DACH2: variants seen among roughly 807,000 people sequenced by gnomAD.
DACH2 encodes dachshund family transcription factor 2, also known as dachshund homolog 2.
DACH2 carries 17 observed loss-of-function variants against 35.8 expected under a neutral mutation model. The ratio of observed to expected loss-of-function variants is 0.48; its 90% CI spans 0.33 to 0.71. The LOEUF (loss-of-function observed/expected upper bound fraction) is 0.71, where lower values mean the gene tolerates loss of function less well. Among genes scored for constraint, DACH2 ranks in the 30% least tolerant of loss-of-function variants. The probability of loss-of-function intolerance (pLI) is 0.02; values close to 1 mark genes in which losing one functional copy is unlikely to be tolerated. For missense variants in DACH2, 469 were observed against 472.7 expected (o/e 0.99, Z 0.07); for synonymous variants, 195 against 177.3 (o/e 1.10, Z -0.79).
At chrX:86,537,812 T>C (rs1028016560) in intron 3 of DACH2, among the ~76,000 whole-genome samples, 1 of 111,646 alleles carries the variant, frequency 9.0e-6, no homozygotes, top group Non-Finnish European at 1.9e-5. Context: ...CCTGCAGGTA[T>C]ACATCCAGAT....
At chrX:86,244,529 G>A (rs957784772) in intron 1 of DACH2, among the ~76,000 whole-genome samples, 11 of 111,614 alleles carry the variant, frequency 9.9e-5, no homozygotes, top group African/African-American at 2.6e-4. Flanking sequence ...TGGGAGGATC[G>A]CTTAAGCCCT....
At chrX:86,570,117 G>A (rs1442939438) in intron 3 of DACH2, among the ~76,000 whole-genome samples, 1 of 111,474 alleles carries the variant, frequency 9.0e-6, no homozygotes, top group East Asian at 2.8e-4. Context: ...GGAGAAATAG[G>A]GACACTTTTA....
intron 3 of DACH2, among the ~76,000 whole-genome samples, chrX:86,538,599 GC>G (rs1461705777): frequency 6.3e-5 from 7 of 111,859 alleles, no homozygotes; most frequent in African/African-American, 2.3e-4. Context: ...AACTGTGAAG[GC>G]CTTCTTGCAG....
intron 6 of DACH2, among the ~76,000 whole-genome samples, chrX:86,730,958 G>A (rs902599388): frequency 1.5e-4 from 17 of 111,451 alleles, no homozygotes; most frequent in African/African-American, 5.2e-4. Context: ...GCATACACAC[G>A]AAATACATTT....
chrX:86,805,378 C>A (rs2042333920), intron 7 of DACH2, among the ~76,000 whole-genome samples: 1 of 112,608 alleles, frequency 8.9e-6, no homozygotes, highest in African/African-American at 3.2e-5. Context: ...GGCCCTGGGC[C>A]TGGCCCACGA....
rs199934690 is a variant in DACH2, at chrX:86,276,274, TAATGATCAGTG to T, written c.489-100548_489-100538del. 2.6e-3 allele frequency among the ~76,000 whole-genome samples: 296 copies of T among 112,535 alleles called. 2 individuals are homozygous for T. The highest frequency in any genetic ancestry group is 0.018 in the Admixed American group (191 of 10,634). The stretch of plus-strand genomic sequence containing the variant: ...ATTGTAGTTTTGATTTGCATTTGTC[TAATGATCAGTG>T]ATGCTGATCACCTTTTCATGTACCT... On this transcript the variant is annotated intron_variant, in intron 1 of 11. Coordinates refer to ENST00000373125, the MANE Select transcript of DACH2 (RefSeq NM_053281.3).
intron 3 of DACH2, among the ~76,000 whole-genome samples, chrX:86,525,416 C>A (rs966990766): frequency 9.0e-6 from 1 of 111,264 alleles, no homozygotes; most frequent in Admixed American, 9.6e-5. Flanking sequence ...ACATGTGGGG[C>A]AGCTAGTATA....
chrX:86,494,670 A>G (rs1461548978), intron 2 of DACH2, among the ~76,000 whole-genome samples: 1 of 112,588 alleles, frequency 8.9e-6, no homozygotes, highest in African/African-American at 3.2e-5. Flanking sequence ...ACCACTGTGC[A>G]TAATTCTTTT....
chrX:86,434,839 T>C (rs2037041628), intron 2 of DACH2, among the ~76,000 whole-genome samples: 1 of 111,595 alleles, frequency 9.0e-6, no homozygotes, highest in Non-Finnish European at 1.9e-5. Context: ...TGCTCAGCTT[T>C]TGGGAAGGCC....
At chrX:86,680,973 A>G (rs1438035881) in intron 4 of DACH2, among the ~76,000 whole-genome samples, 1 of 110,881 alleles carries the variant, frequency 9.0e-6, no homozygotes, top group Non-Finnish European at 1.9e-5. Flanking sequence ...TAACATCAGT[A>G]GACAGGGATT....
intron 3 of DACH2, among the ~76,000 whole-genome samples, chrX:86,549,930 A>G (rs2039025858): frequency 8.9e-6 from 1 of 111,874 alleles, no homozygotes; most frequent in Admixed American, 9.5e-5. Flanking sequence ...ATTTATACTC[A>G]TAATGTAAAT....
chrX:86,812,794 G>T, intron 7 of DACH2, 62 bp from the exon 8 acceptor site: 2 of 868,198 alleles, frequency 2.3e-6, no homozygotes, highest in East Asian at 3.4e-5. Flanking sequence ...AGTAGAGGTG[G>T]CTTAGTGAGA....
intron 2 of DACH2, among the ~76,000 whole-genome samples, chrX:86,418,623 G>A (rs1461808029): frequency 9.0e-6 from 1 of 110,973 alleles, no homozygotes; most frequent in Non-Finnish European, 1.9e-5. Flanking sequence ...CACAGCACGT[G>A]GACCCTGGGC....
intron 2 of DACH2, among the ~76,000 whole-genome samples, chrX:86,428,220 A>G (rs2036925581): frequency 8.9e-6 from 1 of 112,034 alleles, no homozygotes; most frequent in Non-Finnish European, 1.9e-5. Flanking sequence ...TATAATGTGA[A>G]CATGCTGTAT....
chrX:86,400,734 C>T (rs761943542), intron 2 of DACH2, among the ~76,000 whole-genome samples: 1 of 111,580 alleles, frequency 9.0e-6, no homozygotes, highest in South Asian at 3.8e-4. Flanking sequence ...GATCGTTCCT[C>T]TGGATGTTTT....
At chrX:86,616,701 C>T in intron 3 of DACH2, among the ~76,000 whole-genome samples, 2 of 111,771 alleles carry the variant, frequency 1.8e-5, no homozygotes, top group South Asian at 7.4e-4. Context: ...ATTTTTTTCT[C>T]ATTCTATAGG....
chrX:86,739,589 A>C (rs2041631957), intron 6 of DACH2, among the ~76,000 whole-genome samples, 158 bp from the exon 7 acceptor site: 1 of 112,457 alleles, frequency 8.9e-6, no homozygotes, highest in Non-Finnish European at 1.9e-5. Context: ...AGAATCAAAA[A>C]TATATTTTTG....
intron 2 of DACH2, among the ~76,000 whole-genome samples, chrX:86,511,664 C>T (rs1396285011): frequency 1.8e-5 from 2 of 111,478 alleles, no homozygotes; most frequent in Admixed American, 9.6e-5. Flanking sequence ...AGCATTATAC[C>T]ACACACACGC....
At chrX:86,422,990 A>G (rs749899104) in intron 2 of DACH2, among the ~76,000 whole-genome samples, 1 of 111,532 alleles carries the variant, frequency 9.0e-6, no homozygotes, top group Non-Finnish European at 1.9e-5. Flanking sequence ...GTTGTTGCAA[A>G]TGACTGGATC....
Sources: allele counts gnomAD v4.1 joint callset (sites outside exome capture counted in the v4.1 genomes callset), GRCh38; gene constraint gnomAD v4.1.1; transcripts MANE v1.5; gene names NCBI Gene and HGNC (gene_info 2026-07-23, HGNC 2026-07-21).